The following NPHP3 variants were observed in gnomAD, a reference collection of about 807,000 sequenced individuals.
The protein encoded by NPHP3 is nephrocystin-3.
NPHP3 carries 123 observed loss-of-function variants against 171.9 expected under a neutral mutation model. The ratio of observed to expected loss-of-function variants is 0.72; its 90% confidence interval spans 0.62 to 0.83. The LOEUF is 0.83. Ranked by LOEUF, NPHP3 falls within the 40% of genes least tolerant of loss-of-function variation. The pLI is 0.00. For synonymous variants in NPHP3, 558 were observed against 579.2 expected (o/e 0.96, Z 0.52); for missense variants, 1,506 against 1,591.9 (o/e 0.95, Z 0.92).
At chr3:132,701,651 C>A (rs1576673615) in intron 9 of NPHP3, 118 bp from the exon 10 acceptor site, 1 of 742,994 alleles carries the variant, frequency 1.3e-6, no homozygotes, top group Admixed American at 2.3e-5. Flanking sequence ...AAAATGAAAT[C>A]TATTTTTAGT....
chr3:132,700,677 A>T (rs1939584965), intron 10 of NPHP3, among the ~76,000 whole-genome samples: 1 of 152,198 alleles, frequency 6.6e-6, no homozygotes, highest in Admixed American at 6.5e-5. Context: ...ATGTTAATTA[A>T]CAGAAACCAA....
Position 132,719,686 on chromosome 3 carries a change from A to G in NPHP3, c.519+19T>C, listed in dbSNP as rs991622252. 1 of 1,512,866 alleles carries G rather than the reference A, an allele frequency of 6.6e-7. No individual in the cohort carries two copies. The highest frequency in any genetic ancestry group is 1.4e-5 in the South Asian group (1 of 72,616). The allele number at this position is 1,512,866 out of a possible 1,614,324, so 93.7% of individuals were successfully genotyped here. ...TTTTATTCTATGTTGCTTTGGGGGT[A>G]AAAATGTAAGGAATTTACCTTGAAT... On this transcript the variant is annotated intron_variant, in intron 2 of 26. Transcript: ENST00000337331.
chr3:132,684,831 T>C, intron 23 of NPHP3, 37 bp from the exon 24 acceptor site: 1 of 1,606,228 alleles, frequency 6.2e-7, no homozygotes, highest in Non-Finnish European at 8.5e-7. Flanking sequence ...AAACTATCTA[T>C]TTTCTAGAGT....
intron 23 of NPHP3, chr3:132,685,585 CA>C (rs1253935565): frequency 6.6e-6 from 1 of 152,164 alleles, no homozygotes; most frequent in Non-Finnish European, 1.5e-5. Flanking sequence ...ATATAAATGT[CA>C]TTTTGAATCC....
intron 14 of NPHP3, 151 bp from the exon 15 acceptor site, chr3:132,696,964 C>G (rs528853799): frequency 1.4e-6 from 1 of 735,992 alleles, no homozygotes; most frequent in Non-Finnish European, 2.4e-6. Context: ...GGTGGCTCCT[C>G]GGCTGTGGGC....
intron 1 of NPHP3, chr3:132,721,335 G>T (rs1406583644): frequency 6.3e-6 from 1 of 158,744 alleles, no homozygotes; most frequent in Admixed American, 6.1e-5. Flanking sequence ...TCTAGAGAAG[G>T]TTTTCAACCA....
chr3:132,705,026 C>T (rs1172842018), intron 8 of NPHP3, among the ~76,000 whole-genome samples: 1 of 152,196 alleles, frequency 6.6e-6, no homozygotes, highest in African/African-American at 2.4e-5. Context: ...AATCTTCAAG[C>T]TTCCTACTTC....
intron 25 of NPHP3, 35 bp downstream of exon 25, chr3:132,683,364 A>G: frequency 6.3e-7 from 1 of 1,591,070 alleles, no homozygotes; most frequent in Non-Finnish European, 8.6e-7. Context: ...CCATAAAATC[A>G]TTCACTGATA....
At chr3:132,720,355 A>G (rs575715024) in intron 1 of NPHP3, among the ~76,000 whole-genome samples, 1 of 152,334 alleles carries the variant, frequency 6.6e-6, no homozygotes, top group South Asian at 2.1e-4. Flanking sequence ...TATGTTTCAC[A>G]GGGAATCAGG....
At chr3:132,708,290 C>T (rs1424380828) in intron 6 of NPHP3, 33 bp from the exon 7 acceptor site, 3 of 1,605,544 alleles carry the variant, frequency 1.9e-6, no homozygotes, top group East Asian at 2.2e-5. Flanking sequence ...GTGTGCTATA[C>T]TGCATTGTGG....
At chr3:132,691,392 G>T in intron 17 of NPHP3, 106 bp from the exon 18 acceptor site, 1 of 778,128 alleles carries the variant, frequency 1.3e-6, no homozygotes, top group Non-Finnish European at 2.2e-6. Flanking sequence ...TTTTATAGCT[G>T]TATAATAGAA....
chr3:132,706,302 T>A (rs1435106624), intron 7 of NPHP3, among the ~76,000 whole-genome samples: 1 of 148,630 alleles, frequency 6.7e-6, no homozygotes, highest in African/African-American at 2.5e-5. Flanking sequence ...GAGCTTGGAG[T>A]GAGCTGAGAT....
intron 6 of NPHP3, among the ~76,000 whole-genome samples, chr3:132,710,597 G>A (rs867632535): frequency 1.3e-5 from 2 of 152,078 alleles, no homozygotes; most frequent in South Asian, 2.1e-4. Context: ...ATGAAAGAGG[G>A]CCAATCATGA....
chr3:132,689,188 G>C lies in NPHP3; in HGVS notation c.2769C>G (p.Phe923Leu). ...TTTTCTCATACTGCTTCAATGAATC[G>C]AAGTATTCTGTTGCCATTGCACTTT... ...KDKSAMATEYFDSLKQYEKNC... is the reference protein window; with the variant it reads ...KDKSAMATEYLDSLKQYEKNC... Residue 923 changes from phenylalanine (F) to leucine (L), a missense_variant, in exon 20 of 27, where the codon TTC (phenylalanine) becomes TTG (leucine). Phe to Leu is a conservative substitution (Grantham distance 22). Transcript: ENST00000337331. 1 of 1,614,052 alleles carries C rather than the reference G, an allele frequency of 6.2e-7. No individual in the cohort carries two copies. Among genetic ancestry groups the C allele is most frequent in the Non-Finnish European group, 8.5e-7 (1 of 1,179,972 alleles).
chr3:132,683,315 A>C (rs1409460091), intron 25 of NPHP3, 84 bp downstream of exon 25: 1 of 1,180,638 alleles, frequency 8.5e-7, no homozygotes, highest in Non-Finnish European at 1.3e-6. Flanking sequence ...CATTCTATTT[A>C]GTGTTCCCTA....
At chr3:132,706,820 CT>C (rs1486833219) in intron 7 of NPHP3, among the ~76,000 whole-genome samples, 1 of 152,012 alleles carries the variant, frequency 6.6e-6, no homozygotes, top group Non-Finnish European at 1.5e-5. Flanking sequence ...AAATTAATAT[CT>C]TTTTTGTGGG....
In NPHP3 at chr3:132,687,194, G is replaced by T; in HGVS notation, c.3158C>A (p.Ser1053Tyr). 1.4e-6 allele frequency: 2 copies of T among 1,462,424 alleles called. No homozygotes were observed. The highest frequency in any genetic ancestry group is 1.9e-6 in the Non-Finnish European group (2 of 1,046,104). The allele number at this position is 1,462,424 out of a possible 1,614,324, so 90.6% of individuals were successfully genotyped here. ...TATAGCTTTCTGATGAATTTTAAAG[G>T]ATTTTTTCCTAAAATGTTCAGCTTG... ...YEQAEHFRKK[S>Y]FKIHQKAIKK... The change falls in exon 22 of 27, where the codon TCC becomes TAC. Residue 1053 changes from serine (S) to tyrosine (Y), a missense_variant. Ser to Tyr is a moderately radical substitution (Grantham distance 144, BLOSUM62 -2). Around this residue, in one of 3 missense-constraint regions of NPHP3, gnomAD observed 569 missense variants for 648.1 expected, o/e 0.88. Coordinates refer to ENST00000337331, the MANE Select transcript of NPHP3 (RefSeq NM_153240.5).
Position 132,683,482 on chromosome 3 carries a change from C to T in NPHP3, c.3613G>A (p.Glu1205Lys). The change falls in exon 25 of 27, where the codon GAA becomes AAA. Residue 1205 changes from glutamate (E) to lysine (K), a missense_variant. This residue lies in a region of NPHP3 where 569 missense variants were observed against 648.1 expected (regional missense o/e 0.88). Coordinates refer to ENST00000337331, the MANE Select transcript of NPHP3 (RefSeq NM_153240.5). ...KAVPLYELAV[E>K]IRQKSFGPKH... ...GGGCCAAAAGATTTCTGTCGAATTTCAACAGCCAATTCATACAAAGGTACA... is the reference window on the plus strand; with the variant it reads ...GGGCCAAAAGATTTCTGTCGAATTTTAACAGCCAATTCATACAAAGGTACA... 3 of 1,613,138 alleles carry T rather than the reference C, an allele frequency of 1.9e-6. No homozygotes were observed. The highest frequency in any genetic ancestry group is 2.2e-5 in the South Asian group (2 of 91,052).
intron 23 of NPHP3, chr3:132,685,511 A>G (rs1939132454): frequency 6.6e-6 from 1 of 152,190 alleles, no homozygotes; most frequent in Non-Finnish European, 1.5e-5. Flanking sequence ...CTGACATCCA[A>G]AGTTTCAAAT....
Sources: gnomAD v4.1 joint callset for allele counts (sites outside exome capture counted in the v4.1 genomes callset) on GRCh38, gnomAD v4.1.1 for gene constraint, gnomAD v4.1.1 regional missense constraint, MANE v1.5 for transcripts, NCBI Gene and HGNC (gene_info 2026-07-23, HGNC 2026-07-21) for gene names.